IQCC: variants seen among roughly 807,000 people sequenced by gnomAD.
IQCC encodes IQ motif containing C.
A neutral mutation model predicts 27.0 loss-of-function variants in IQCC; 23 were observed. That is an observed-to-expected ratio of 0.85 (90% CI 0.61 to 1.21). IQCC has a LOEUF of 1.21. IQCC is among the 50% of genes most tolerant of loss of function. The probability of loss-of-function intolerance (pLI) is 0.00; values close to 1 mark genes in which losing one functional copy is unlikely to be tolerated. For missense variants in IQCC, 552 were observed against 562.3 expected (o/e 0.98, Z 0.19); for synonymous variants, 220 against 217.2 (o/e 1.01, Z -0.11).
chr1:32,207,024 C>T lies in IQCC; in HGVS notation c.462C>T (p.Pro154=). The stretch of plus-strand genomic sequence containing the variant: ...CAGAAGCCACAGATCAAAGACTGCC[C>T]CACAGCCAACCTCAGCTTCAAGAGC... The part of the protein sequence containing the change: ...ENPEATDQRL[P]HSQPQLQELQ... Residue 154 remains proline (P), a synonymous_variant, in exon 4 of 5, where the codon CCC becomes CCT. Coordinates refer to ENST00000291358, the MANE Select transcript of IQCC (RefSeq NM_018134.3). The T allele has an allele frequency of 6.2e-7, 1 of 1,613,006 alleles. No homozygotes were observed. The highest frequency in any genetic ancestry group is 8.5e-7 in the Non-Finnish European group (1 of 1,179,492).
At chr1:32,206,411 C>T (rs910244600) in intron 2 of IQCC, 98 bp from the exon 3 acceptor site, 2 of 1,598,962 alleles carry the variant, frequency 1.3e-6, no homozygotes, top group African/African-American at 2.7e-5. Flanking sequence ...TCCTCACACC[C>T]CACTCCTTAA....
chr1:32,206,362 T>C, intron 2 of IQCC, 65 bp downstream of exon 2: 1 of 1,603,486 alleles, frequency 6.2e-7, no homozygotes, highest in East Asian at 2.2e-5. Context: ...CCCTTCCCAG[T>C]GATAAGCTTT....
chr1:32,208,216 C>A lies in IQCC; in HGVS notation c.*134C>A. ...CCCTGGCCATTGGTGACTAGTGGGG[C>A]CAAGAGAAGCTGGAGCAGAGAGCTG... On this transcript the variant is annotated 3_prime_UTR_variant, in exon 5 of 5. Coordinates refer to ENST00000291358, the MANE Select transcript of IQCC (RefSeq NM_018134.3). 1.1e-6 allele frequency: 1 copy of A among 913,898 alleles called. No homozygotes were observed. The highest frequency in any genetic ancestry group is 1.6e-6 in the Non-Finnish European group (1 of 614,590). 56.6% of individuals were successfully genotyped at this position (913,898 alleles called of 1,614,324 possible). A position where few individuals can be genotyped will look rare whatever the true frequency, so the allele number is the denominator to read the frequency against.
chr1:32,206,800 C>CA (rs772297668), intron 3 of IQCC, 39 bp downstream of exon 3: 1 of 1,602,402 alleles, frequency 6.2e-7, no homozygotes, highest in Non-Finnish European at 8.5e-7. Flanking sequence ...CCCTGACCCT[C>CA]ACTGTGCCTC....
rs1311643992 is a variant in IQCC, at chr1:32,207,578, C to T, written c.897C>T (p.Thr299=). 9 of 1,613,020 alleles carry T rather than the reference C, an allele frequency of 5.6e-6. No homozygotes were observed. Among genetic ancestry groups the T allele is most frequent in the Non-Finnish European group, 7.6e-6 (9 of 1,179,606 alleles). ...SNSQALGDRL[T]KGPDDGRQTF... ...GCCAGGCCTTGGGGGACAGGCTCACCAAAGGGCCAGACGATGGAAGACAGA... is the reference window on the plus strand; with the variant it reads ...GCCAGGCCTTGGGGGACAGGCTCACTAAAGGGCCAGACGATGGAAGACAGA... Residue 299 remains threonine, a synonymous_variant, in exon 5 of 5, where the codon ACC becomes ACT. Coordinates refer to ENST00000291358, the MANE Select transcript of IQCC (RefSeq NM_018134.3).
At position 32,206,224 on chromosome 1, in the gene IQCC, G is replaced by A. The variant is rs368831638; in HGVS notation, c.113G>A (p.Arg38Gln). The A allele has an allele frequency of 6.8e-6, 11 of 1,614,126 alleles. No homozygotes were observed. The highest frequency in any genetic ancestry group is 3.3e-5 in the South Asian group (3 of 91,086). ...CGAGCTGAGTATGAGGCGATTGTACGAGAGGTCGAGGGCGACCTGGGCACG... is the reference window on the plus strand; with the variant it reads ...CGAGCTGAGTATGAGGCGATTGTACAAGAGGTCGAGGGCGACCTGGGCACG... ...SLRAEYEAIV[R>Q]EVEGDLGTLQ... Residue 38 changes from arginine to glutamine, a missense_variant, in exon 2 of 5, where the codon CGA becomes CAA. By Grantham distance (43) the Arg-to-Gln change is conservative. Transcript: ENST00000291358.
chr1:32,206,151 C>G lies in IQCC; in HGVS notation c.43-3C>G. 1 of 1,613,576 alleles carries G rather than the reference C, an allele frequency of 6.2e-7. No homozygotes were observed. On this transcript the variant is annotated splice_region_variant and splice_polypyrimidine_tract_variant and intron_variant, in intron 1 of 4. Transcript: ENST00000291358. ...ACTTCTTTCCTCTCGTTCTCCATAC[C>G]AGGCCTGCGTCCGGGGCTTCTTGGT...
In IQCC at chr1:32,206,600, A is replaced by G; in HGVS notation, c.278A>G (p.Glu93Gly). 6.2e-7 allele frequency: 1 copy of G among 1,614,220 alleles called. No individual in the cohort carries two copies. The highest frequency in any genetic ancestry group is 2.2e-5 in the East Asian group (1 of 44,886). Residue 93 changes from glutamate to glycine, a missense_variant, in exon 3 of 5, where the codon GAG (glutamate) becomes GGG (glycine). Transcript: ENST00000291358. Reference protein sequence around the residue: ...LWNHFPCEESEGEATWEEMVL... With the variant: ...LWNHFPCEESGGEATWEEMVL... The stretch of plus-strand genomic sequence containing the variant: ...AACCACTTCCCATGTGAAGAGTCTG[A>G]GGGAGAGGCCACCTGGGAGGAGATG...
rs759683010 is a variant in IQCC at position 32,208,084 on chromosome 1, C to A, written c.*2C>A. ...TGGAAAACAGAACCACCTGGCTAGA[C>A]CCTAGGAAGCCAGGAGAGGATCAGG... is the stretch of plus-strand genomic sequence containing the variant. On this transcript the variant is annotated 3_prime_UTR_variant, in exon 5 of 5. Coordinates refer to ENST00000291358, the MANE Select transcript of IQCC (RefSeq NM_018134.3). The A allele has an allele frequency of 4.5e-5, 71 of 1,595,042 alleles. No homozygotes were observed. Among genetic ancestry groups the A allele is most frequent in the Non-Finnish European group, 5.7e-5 (67 of 1,170,946 alleles).
chr1:32,207,328 C>A lies in IQCC; in HGVS notation c.647C>A (p.Ala216Asp). The change falls in exon 5 of 5, where the codon GCC (alanine) becomes GAC (aspartate). Residue 216 changes from alanine (A) to aspartate (D), a missense_variant. Transcript: ENST00000291358. ...GTGTTCCTAGAACATGGGGAACAGG[C>A]CTGTGAGAGGGACCAGTCACAACCA... Reference protein sequence around the residue: ...PRVFLEHGEQACERDQSQPSA... With the variant: ...PRVFLEHGEQDCERDQSQPSA... 6.2e-7 allele frequency: 1 copy of A among 1,613,982 alleles called. No homozygotes were observed. Among genetic ancestry groups the A allele is most frequent in the Non-Finnish European group, 8.5e-7 (1 of 1,179,990 alleles).
Position 32,206,846 on chromosome 1 carries a change from A to G in IQCC, c.439+85A>G, listed in dbSNP as rs1220798765. ...CTGAAGAGTGAAAGGCTTGCGCTAGATAAGCTGCATCCCTTTCCCGTCTTC... is the reference window on the plus strand; with the variant it reads ...CTGAAGAGTGAAAGGCTTGCGCTAGGTAAGCTGCATCCCTTTCCCGTCTTC... On this transcript the variant is annotated intron_variant, in intron 3 of 4. Coordinates refer to ENST00000291358, the MANE Select transcript of IQCC (RefSeq NM_018134.3). 7 of 1,523,286 alleles carry G rather than the reference A, an allele frequency of 4.6e-6. No individual in the cohort carries two copies. In the African/African-American group the frequency reaches 9.7e-5, roughly 21 times the overall value. The allele number at this position is 1,523,286 out of a possible 1,614,324, so 94.4% of individuals were successfully genotyped here.
In IQCC at chr1:32,207,106, A is replaced by G. The variant is rs759175239; in HGVS notation, c.544A>G (p.Asn182Asp). 13 of 1,609,638 alleles carry G rather than the reference A, an allele frequency of 8.1e-6. No homozygotes were observed. The highest frequency in any genetic ancestry group is 6.7e-5 in the Admixed American group (4 of 59,374). The change falls in exon 4 of 5, where the codon AAT (asparagine) becomes GAT (aspartate). Residue 182 changes from asparagine (N) to aspartate (D), a missense_variant. By Grantham distance (23) the Asn-to-Asp change is conservative (BLOSUM62 1). Transcript: ENST00000291358. ...ATTGCTGTGGCTGCAACAGGCCATC[A>G]ATAGCCGTAAGGAGGTAACACTAAC... ...MELLWLQQAINSRKEYLLLKQ... is the reference protein window; with the variant it reads ...MELLWLQQAIDSRKEYLLLKQ...
intron 4 of IQCC, 57 bp from the exon 5 acceptor site, chr1:32,207,183 G>A (rs56663136): frequency 9.2e-5 from 148 of 1,601,590 alleles, no homozygotes; most frequent in African/African-American, 2.9e-4. Context: ...AGGGAGAGAC[G>A]ACCTGCCATG....
rs773843929 is a variant in IQCC at position 32,207,651 on chromosome 1, AC to A, written c.975del (p.Arg326GlufsTer3). ...LLQMKILEDQ[T>X]PRGLKPRNHC... ...GCAGATGAAAATCCTGGAGGACCAG[AC>A]CCCCAGAGGTTTAAAACCTAGGAAC... On this transcript the variant is annotated frameshift_variant, in exon 5 of 5. Transcript: ENST00000291358. LOFTEE classifies it low-confidence loss of function (END_TRUNC). 9 of 1,613,706 alleles carry A rather than the reference AC, an allele frequency of 5.6e-6. No homozygotes were observed. Among genetic ancestry groups the A allele is most frequent in the Non-Finnish European group, 7.6e-6 (9 of 1,179,970 alleles).
chr1:32,206,376 C>T, intron 2 of IQCC, 79 bp downstream of exon 2: 1 of 1,601,286 alleles, frequency 6.2e-7, no homozygotes. Flanking sequence ...AAGCTTTTCT[C>T]ACTGGAAGAG....
In IQCC at chr1:32,207,021, G is replaced by C; in HGVS notation, c.459G>C (p.Leu153=). Residue 153 remains leucine (L), a synonymous_variant, in exon 4 of 5, where the codon CTG becomes CTC. Coordinates refer to ENST00000291358, the MANE Select transcript of IQCC (RefSeq NM_018134.3). ...MENPEATDQR[L]PHSQPQLQEL... ...TCACAGAAGCCACAGATCAAAGACT[G>C]CCCCACAGCCAACCTCAGCTTCAAG... 1 of 1,612,530 alleles carries C rather than the reference G, an allele frequency of 6.2e-7. No homozygotes were observed. Among genetic ancestry groups the C allele is most frequent in the South Asian group, 1.1e-5 (1 of 90,912 alleles).
At position 32,207,915 on chromosome 1, in the gene IQCC, A is replaced by C. The variant is rs200765541; in HGVS notation, c.1234A>C (p.Ser412Arg). ...PPKGQAPTDRSSRDGTSNEPS... is the reference protein window; with the variant it reads ...PPKGQAPTDRRSRDGTSNEPS... ...CAAAGGCCAGGCCCCCACTGATAGAAGCTCCAGAGATGGAACCTCCAATGA... is the reference window on the plus strand; with the variant it reads ...CAAAGGCCAGGCCCCCACTGATAGACGCTCCAGAGATGGAACCTCCAATGA... Residue 412 changes from serine (S) to arginine (R), a missense_variant, in exon 5 of 5, where the codon AGC (serine) becomes CGC (arginine). By Grantham distance (110) the Ser-to-Arg change is moderately radical. Coordinates refer to ENST00000291358, the MANE Select transcript of IQCC (RefSeq NM_018134.3). 2.6e-4 allele frequency: 422 copies of C among 1,614,060 alleles called. No homozygotes were observed. Among genetic ancestry groups the C allele is most frequent in the Non-Finnish European group, 3.5e-4 (408 of 1,180,030 alleles).
rs762914686 is a variant in IQCC at position 32,205,727 on chromosome 1, C to T, written c.42+4C>T. The T allele has an allele frequency of 6.2e-7, 1 of 1,611,796 alleles. No individual in the cohort carries two copies. The highest frequency in any genetic ancestry group is 1.1e-5 in the South Asian group (1 of 90,762). On this transcript the variant is annotated splice_donor_region_variant and intron_variant, in intron 1 of 4. Transcript: ENST00000291358. The surrounding 1 kb of genome is among the most constrained non-coding windows in gnomAD (Gnocchi z 5.6). The stretch of plus-strand genomic sequence containing the variant: ...TCGGAAGGTGTCTGCATTGCAGGTG[C>T]GGGGGCGGGCGCGGGGTTCACAGGA...
chr1:32,206,522 A>C lies in IQCC; in HGVS notation c.200A>C (p.His67Pro), dbSNP rs749312314. Reference sequence around the variant, plus strand: ...CTTGTTTCTCAGAAGGCAAAATCCCATCAGACCTGGAAAGCAGGAGACAGG... The same window carrying C: ...CTTGTTTCTCAGAAGGCAAAATCCCCTCAGACCTGGAAAGCAGGAGACAGG... ...PRFLPEKAKS[H>P]QTWKAGDRVA... Residue 67 changes from histidine to proline, a missense_variant, in exon 3 of 5, where the codon CAT becomes CCT. Physicochemically the swap from His to Pro is moderately conservative, Grantham distance 77. Coordinates refer to ENST00000291358, the MANE Select transcript of IQCC (RefSeq NM_018134.3). 6.2e-7 allele frequency: 1 copy of C among 1,614,144 alleles called. No individual in the cohort carries two copies. The highest frequency in any genetic ancestry group is 8.5e-7 in the Non-Finnish European group (1 of 1,180,038).
Sources: gnomAD v4.1 joint callset for allele counts on GRCh38, gnomAD v4.1.1 for gene constraint, Gnocchi (gnomAD v3.1) non-coding constraint, MANE v1.5 for transcripts, NCBI Gene and HGNC (gene_info 2026-07-23, HGNC 2026-07-21) for gene names.